The following PCDH15 variants were observed in gnomAD, a reference collection of about 807,000 sequenced individuals.
The protein encoded by PCDH15 is protocadherin related 15.
A neutral mutation model predicts 178.5 loss-of-function variants in PCDH15; 129 were observed. The ratio of observed to expected loss-of-function variants is 0.72; its 90% confidence interval spans 0.63 to 0.84. The LOEUF (loss-of-function observed/expected upper bound fraction) is 0.84. Among genes scored for constraint, PCDH15 ranks in the 40% least tolerant of loss-of-function variants. The pLI is 0.00. For synonymous variants in PCDH15, 800 were observed against 732.0 expected (o/e 1.09, Z -1.50); for missense variants, 2,230 against 2,099.9 (o/e 1.06, Z -1.21).
At chr10:53,980,661 C>T (rs2090561650) in intron 21 of PCDH15, among the ~76,000 whole-genome samples, 1 of 152,128 alleles carries the variant, frequency 6.6e-6, no homozygotes, top group South Asian at 2.1e-4. Context: ...AACAATAATC[C>T]AGCAAAATAG....
At chr10:55,225,623 G>A (rs945522265) in intron 1 of PCDH15, among the ~76,000 whole-genome samples, 1 of 148,722 alleles carries the variant, frequency 6.7e-6, no homozygotes, top group Non-Finnish European at 1.5e-5. Flanking sequence ...GTGTGTGTAT[G>A]TGTGTGTGTG....
intron 2 of PCDH15, among the ~76,000 whole-genome samples, chr10:54,628,251 A>C (rs1173968987): frequency 4.6e-5 from 7 of 152,214 alleles, no homozygotes; most frequent in African/African-American, 2.4e-5. Context: ...GCACGAGAAG[A>C]AGCAGGAAGA....
chr10:55,031,666 G>A (rs1469979518), intron 2 of PCDH15, among the ~76,000 whole-genome samples: 1 of 152,150 alleles, frequency 6.6e-6, no homozygotes, highest in Non-Finnish European at 1.5e-5. Flanking sequence ...AGGTGATTGG[G>A]CCATAAGGCC....
At chr10:54,397,905 A>T (rs1372059195) in intron 3 of PCDH15, among the ~76,000 whole-genome samples, 1 of 151,836 alleles carries the variant, frequency 6.6e-6, no homozygotes. Context: ...GTTCTTAAAA[A>T]ATAGGGGCAG....
intron 2 of PCDH15, among the ~76,000 whole-genome samples, chr10:55,513,445 G>T (rs1304560145): frequency 2.6e-5 from 4 of 151,926 alleles, no homozygotes; most frequent in Admixed American, 2.6e-4. Context: ...TTCATGGTTA[G>T]AATATTACAT....
rs1303595236 is a variant in PCDH15, at chr10:53,903,340, T to A, written c.3404A>T (p.Gln1135Leu). 4 of 1,612,940 alleles carry A rather than the reference T, an allele frequency of 2.5e-6. No individual in the cohort carries two copies. The highest frequency in any genetic ancestry group is 2.7e-5 in the African/African-American group (2 of 75,022). Residue 1135 changes from glutamine to leucine, a missense_variant, in exon 26 of 38, where the codon CAG becomes CTG. Transcript: ENST00000644397. ...CACTGGGGGATGATTATTTTCATCC[T>A]GAATCTCAATGTATACTTTAGCTGT... ...SNTAKVYIEI[Q>L]DENNHPPVFQ...
chr10:55,575,918 G>T (rs1842489585), intron 2 of PCDH15, among the ~76,000 whole-genome samples: 1 of 152,168 alleles, frequency 6.6e-6, no homozygotes, highest in African/African-American at 2.4e-5. Flanking sequence ...TTTGATAGTT[G>T]TATTCACATC....
chr10:54,802,511 C>T (rs1197282519), upstream of PCDH15, among the ~76,000 whole-genome samples: 4 of 152,130 alleles, frequency 2.6e-5, no homozygotes, highest in Non-Finnish European at 5.9e-5. Context: ...TTCCTTAAAA[C>T]CACAGATCAG....
rs572364819 is a variant in PCDH15 at position 53,922,231 on chromosome 10, GAGT to G, written c.3373+16581_3373+16583del. On this transcript the variant is annotated intron_variant, in intron 25 of 37. Transcript: ENST00000644397. ...TATCTCTCTGTACACTTATCTAAAGGAGTAGATGAAGCATATTTAGTATGTGCT... is the reference window on the plus strand; with the variant it reads ...TATCTCTCTGTACACTTATCTAAAGGAGATGAAGCATATTTAGTATGTGCT... Among the ~76,000 whole-genome samples, 341 of 152,164 alleles carry G rather than the reference GAGT, an allele frequency of 2.2e-3. 1 individual carries two copies. Among genetic ancestry groups the G allele is most frequent in the African/African-American group, 7.6e-3 (314 of 41,522 alleles).
Position 54,014,814 on chromosome 10 carries a change from G to A in PCDH15, c.2751+5378C>T, listed in dbSNP as rs116619886. 7.5e-3 allele frequency among the ~76,000 whole-genome samples: 1,135 copies of A among 152,182 alleles called. 12 individuals carry two copies. Among genetic ancestry groups the A allele is most frequent in the African/African-American group, 0.026 (1,069 of 41,526 alleles). On this transcript the variant is annotated intron_variant, in intron 20 of 37. Coordinates refer to ENST00000644397, the MANE Select transcript of PCDH15 (RefSeq NM_001384140.1). ...ATGCACAGCCAACGTCACACTGAAT[G>A]GGCAAAAGCTGGAGGCATTCTCCTT...
chr10:53,913,865 C>T (rs2083325957), intron 25 of PCDH15, among the ~76,000 whole-genome samples: 1 of 152,146 alleles, frequency 6.6e-6, no homozygotes, highest in Non-Finnish European at 1.5e-5. Flanking sequence ...ATCTACCTAT[C>T]TGACAAAGGG....
At chr10:54,091,624 AC>A (rs2094601957) in intron 15 of PCDH15, among the ~76,000 whole-genome samples, 1 of 152,192 alleles carries the variant, frequency 6.6e-6, no homozygotes, top group African/African-American at 2.4e-5. Flanking sequence ...GTAATAAACT[AC>A]TGAATATTGA....
intron 2 of PCDH15, among the ~76,000 whole-genome samples, chr10:55,572,824 A>G (rs1842432402): frequency 6.6e-6 from 1 of 152,040 alleles, no homozygotes; most frequent in South Asian, 2.1e-4. Flanking sequence ...AAAGTGCAAT[A>G]ATGAAATTGA....
intron 3 of PCDH15, among the ~76,000 whole-genome samples, chr10:54,857,829 C>T (rs912549753): frequency 6.6e-6 from 1 of 152,056 alleles, no homozygotes; most frequent in African/African-American, 2.4e-5. Flanking sequence ...TTCATTTTTA[C>T]ATTTTTAATT....
chr10:54,744,193 C>A (rs1945174097), intron 1 of PCDH15, among the ~76,000 whole-genome samples: 1 of 152,072 alleles, frequency 6.6e-6, no homozygotes, highest in Non-Finnish European at 1.5e-5. Flanking sequence ...GGAACTGAGT[C>A]CCACCAACAG....
intron 3 of PCDH15, among the ~76,000 whole-genome samples, chr10:54,379,889 G>A (rs1332461698): frequency 2.0e-5 from 3 of 151,882 alleles, no homozygotes; most frequent in African/African-American, 4.8e-5. Flanking sequence ...GGCAACTATC[G>A]AGAGAACACA....
chr10:55,208,827 C>A (rs1840480331), intron 1 of PCDH15, among the ~76,000 whole-genome samples: 1 of 151,960 alleles, frequency 6.6e-6, no homozygotes, highest in Admixed American at 6.6e-5. Flanking sequence ...ATATTGTTGA[C>A]AAGTTACTAT....
chr10:54,471,178 G>A (rs2077893790), intron 3 of PCDH15, among the ~76,000 whole-genome samples: 1 of 151,992 alleles, frequency 6.6e-6, no homozygotes. Flanking sequence ...ACAAGGAAAA[G>A]AAAACATATT....
At position 55,361,552 on chromosome 10, in the gene PCDH15, A is replaced by G. The variant is rs577485815; in HGVS notation, c.-155-194901T>C. On this transcript the variant is annotated intron_variant, in intron 2 of 5. Transcript: ENST00000613346. ...CTTTGATTTGATTTAAAAAGTTTCA[A>G]AATAACCTGAGTGAGATAAAGGAAT... 3.5e-4 allele frequency among the ~76,000 whole-genome samples: 53 copies of G among 152,128 alleles called. 1 individual carries two copies. In the South Asian group the frequency reaches 0.011, roughly 31 times the overall value.
Sources: gnomAD v4.1 joint callset for allele counts (sites outside exome capture counted in the v4.1 genomes callset) on GRCh38, gnomAD v4.1.1 for gene constraint, MANE v1.5 for transcripts, NCBI Gene and HGNC (gene_info 2026-07-23, HGNC 2026-07-21) for gene names.